PTPN14: variants seen among roughly 807,000 people sequenced by gnomAD.
PTPN14 encodes the protein protein tyrosine phosphatase non-receptor type 14.
Under a neutral mutation model 126.8 loss-of-function variants are expected in PTPN14, and 53 were observed. That is an observed-to-expected ratio of 0.42 (90% confidence interval 0.34 to 0.53). PTPN14 has a LOEUF of 0.53. Ranked by LOEUF, PTPN14 falls within the 20% of genes least tolerant of loss-of-function variation. PTPN14 has a pLI of 0.08. For missense variants in PTPN14, 1,257 were observed against 1,552.9 expected (o/e 0.81, Z 3.20); for synonymous variants, 630 against 599.3 (o/e 1.05, Z -0.75).
intron 1 of PTPN14, among the ~76,000 whole-genome samples, chr1:214,546,438 T>C (rs540382399): frequency 4.6e-5 from 7 of 152,134 alleles, no homozygotes; most frequent in Admixed American, 4.6e-4. Context: ...CATACGAAAA[T>C]ATGCATTAGG....
chr1:214,491,128 C>CA lies in PTPN14; in HGVS notation c.-154-26172dup, dbSNP rs147425669. Among the ~76,000 whole-genome samples the CA allele has an allele frequency of 1.5e-3, 229 of 152,018 alleles. 1 individual carries two copies. The highest frequency in any genetic ancestry group is 5.3e-3 in the African/African-American group (221 of 41,472). Reference sequence around the variant, plus strand: ...TATGGCATAACCCCCTACCCAGTGGCATGGGCAAGATTTTTTAAATTATAT... The same window carrying CA: ...TATGGCATAACCCCCTACCCAGTGGCAATGGGCAAGATTTTTTAAATTATAT... On this transcript the variant is annotated intron_variant, in intron 1 of 18. Coordinates refer to ENST00000366956, the MANE Select transcript of PTPN14 (RefSeq NM_005401.5).
rs1216793547 is a variant in PTPN14, at chr1:214,383,400, G to A, written c.2455C>T (p.Arg819Trp). ...SEPDLTSVKE[R>W]VKKEPVKERP... ...TCCTTCACAGGCTCTTTTTTGACCC[G>A]CTCCTTCACACTAGTCAGGTCGGGT... Residue 819 changes from arginine to tryptophan, a missense_variant, in exon 13 of 19, where the codon CGG (arginine) becomes TGG (tryptophan). Arg to Trp is a moderately radical substitution (Grantham distance 101). Coordinates refer to ENST00000366956, the MANE Select transcript of PTPN14 (RefSeq NM_005401.5). This position sits in a 1 kb window ranked among gnomAD's most constrained non-coding sequence, Gnocchi z 4.4. 1.1e-5 allele frequency: 18 copies of A among 1,614,044 alleles called. No individual in the cohort carries two copies. The highest frequency in any genetic ancestry group is 1.4e-5 in the Non-Finnish European group (17 of 1,180,042).
In PTPN14 at chr1:214,364,970, C is replaced by T. The variant is rs1384189312; in HGVS notation, c.3272-295G>A. 1.3e-5 allele frequency among the ~76,000 whole-genome samples: 2 copies of T among 151,856 alleles called. No individual in the cohort carries two copies. The highest frequency in any genetic ancestry group is 1.3e-4 in the Admixed American group (2 of 15,250). The stretch of plus-strand genomic sequence containing the variant: ...TTTTTTAAAAATTAAATTCTGTTTT[C>T]CCCTCTGCAAATCCCTAAGTCCCTC... On this transcript the variant is annotated intron_variant, in intron 17 of 18. Transcript: ENST00000366956. This position sits in a 1 kb window ranked among gnomAD's most constrained non-coding sequence, Gnocchi z 4.1.
Position 214,384,166 on chromosome 1 carries a change from G to A in PTPN14, c.1689C>T (p.Leu563=). Residue 563 remains leucine (L), a synonymous_variant, in exon 13 of 19, where the codon CTC becomes CTT. Coordinates refer to ENST00000366956, the MANE Select transcript of PTPN14 (RefSeq NM_005401.5). This position sits in a 1 kb window ranked among gnomAD's most constrained non-coding sequence, Gnocchi z 5.3. Reference sequence around the variant, plus strand: ...GTGGGTAGGGGGGCGGTGGCCTGAAGAGATAGTTCTTAAGCATGTGGGCCG... The same window carrying A: ...GTGGGTAGGGGGGCGGTGGCCTGAAAAGATAGTTCTTAAGCATGTGGGCCG... The part of the protein sequence containing the change: ...YSTAHMLKNY[L]FRPPPPYPRP... 1 of 1,592,216 alleles carries A rather than the reference G, an allele frequency of 6.3e-7. No homozygotes were observed.
At chr1:214,402,435 GTCAA>G (rs1659042605) in intron 6 of PTPN14, among the ~76,000 whole-genome samples, 1 of 37,802 alleles carries the variant, frequency 2.6e-5, no homozygotes, top group African/African-American at 1.6e-4. Context: ...GCGAGACTCT[GTCAA>G]AAAAAAAAAA....
At chr1:214,358,201 CA>C in intron 18 of PTPN14, 151 bp from the exon 19 acceptor site, 1 of 807,166 alleles carries the variant, frequency 1.2e-6, no homozygotes, top group Non-Finnish European at 1.9e-6. Flanking sequence ...TTTTATGCAT[CA>C]AACAGTTTAT....
rs115167129 is a variant in PTPN14 at position 214,406,581 on chromosome 1, C to G, written c.511-3628G>C. On this transcript the variant is annotated intron_variant, in intron 5 of 18. Transcript: ENST00000366956. ...TTAAATTTGAATATAAATATCCACA[C>G]ATGGCTAGCAGCTACCACCCTGAAG... 5.9e-3 allele frequency among the ~76,000 whole-genome samples: 891 copies of G among 152,100 alleles called. 7 individuals carry two copies. The highest frequency in any genetic ancestry group is 0.02 in the African/African-American group (837 of 41,498).
At position 214,401,733 on chromosome 1, in the gene PTPN14, A is replaced by G. The variant is rs199664215; in HGVS notation, c.621T>C (p.Asn207=). ...LPAEAELMYI[N]EVERLDGFGQ... ...CAAATCCATCCAAACGTTCAACTTC[A>G]TTGATGTACATCAGTTCAGCTTCTG... is the stretch of plus-strand genomic sequence containing the variant. The change falls in exon 7 of 19, where the codon AAT becomes AAC. Residue 207 remains asparagine, a synonymous_variant. Transcript: ENST00000366956. 5.3e-5 allele frequency: 85 copies of G among 1,595,268 alleles called. No homozygotes were observed. The highest frequency in any genetic ancestry group is 7.0e-5 in the Non-Finnish European group (82 of 1,163,772).
chr1:214,477,068 G>A (rs1660883480), intron 1 of PTPN14, among the ~76,000 whole-genome samples: 1 of 152,152 alleles, frequency 6.6e-6, no homozygotes, highest in Non-Finnish European at 1.5e-5. Context: ...GCAACTACAG[G>A]TCCCACTGAC....
At chr1:214,508,225 C>T (rs57030962) in intron 1 of PTPN14, among the ~76,000 whole-genome samples, 2,366 of 152,276 alleles carry the variant, frequency 0.016, 57 homozygotes, top group African/African-American at 0.054. Flanking sequence ...GAACCCAATG[C>T]TGTTTGACAG....
At chr1:214,469,022 C>A (rs1660699038) in intron 1 of PTPN14, among the ~76,000 whole-genome samples, 1 of 152,194 alleles carries the variant, frequency 6.6e-6, no homozygotes, top group Admixed American at 6.5e-5. Flanking sequence ...AAGCTCATGA[C>A]ATTTTCACCC....
Position 214,377,855 on chromosome 1 carries a change from G to A in PTPN14, c.2688+104C>T, listed in dbSNP as rs575941896. On this transcript the variant is annotated intron_variant, in intron 14 of 18. Transcript: ENST00000366956. ...TCTTCCTAATCTCAGATTGAAGAAA[G>A]AATGCATCACACAAATCTCAATGCT... 55 of 1,345,210 alleles carry A rather than the reference G, an allele frequency of 4.1e-5. No individual in the cohort carries two copies. The South Asian group carries it at 7.3e-4, about 18-fold the overall frequency. The allele number at this position is 1,345,210 out of a possible 1,614,324, so 83.3% of individuals were successfully genotyped here.
intron 9 of PTPN14, among the ~76,000 whole-genome samples, chr1:214,394,214 G>A (rs113059748): frequency 1.4e-4 from 22 of 152,176 alleles, no homozygotes; most frequent in Non-Finnish European, 2.8e-4. Context: ...AGGCTATGAT[G>A]GGAAAGAAAA....
rs775911532 is a variant in PTPN14 at position 214,376,189 on chromosome 1, C to G, written c.2907+30G>C. On this transcript the variant is annotated intron_variant, in intron 15 of 18. Coordinates refer to ENST00000366956, the MANE Select transcript of PTPN14 (RefSeq NM_005401.5). Reference sequence around the variant, plus strand: ...TTTCCCTTTAACCCAGCCATCTTTACCAAACCTTCTAACAGGCTTGCCTTC... The same window carrying G: ...TTTCCCTTTAACCCAGCCATCTTTAGCAAACCTTCTAACAGGCTTGCCTTC... The G allele has an allele frequency of 3.8e-6, 6 of 1,592,836 alleles. No individual in the cohort carries two copies. The Admixed American group carries it at 8.4e-5, about 22-fold the overall frequency.
rs1159209240 is a variant in PTPN14, at chr1:214,436,786, C to CAAA, written c.344+15016_344+15018dup. ...TGGGCGACAGAGAAAGACTCCGTCTCAAAAAAAAAAAAAAAAAAAAAAAAA... is the reference window on the plus strand; with the variant it reads ...TGGGCGACAGAGAAAGACTCCGTCTCAAAAAAAAAAAAAAAAAAAAAAAAAAAA... On this transcript the variant is annotated intron_variant, in intron 3 of 18. Coordinates refer to ENST00000366956, the MANE Select transcript of PTPN14 (RefSeq NM_005401.5). Among the ~76,000 whole-genome samples the CAAA allele has an allele frequency of 1.1e-3, 49 of 46,614 alleles. 2 individuals are homozygous for CAAA. The South Asian group carries it at 0.021, about 20-fold the overall frequency. 30.6% of individuals were successfully genotyped at this position (46,614 alleles called of 152,430 possible).
At chr1:214,419,290 C>G (rs1218014287) in intron 3 of PTPN14, among the ~76,000 whole-genome samples, 1 of 152,180 alleles carries the variant, frequency 6.6e-6, no homozygotes, top group Non-Finnish European at 1.5e-5. Context: ...ACACACGGCT[C>G]CTGGTCTGCT....
At chr1:214,530,766 T>C (rs1655524667) in intron 1 of PTPN14, 1 of 149,190 alleles carries the variant, frequency 6.7e-6, no homozygotes, top group Admixed American at 6.6e-5. Flanking sequence ...CGAAAATATT[T>C]ACGACGAGTA....
intron 3 of PTPN14, among the ~76,000 whole-genome samples, chr1:214,419,419 G>A (rs1659495131): frequency 6.6e-6 from 1 of 152,144 alleles, no homozygotes; most frequent in African/African-American, 2.4e-5. Context: ...ACTTTTTGAA[G>A]CCTTTCCATA....
intron 1 of PTPN14, among the ~76,000 whole-genome samples, chr1:214,521,184 C>T (rs1378372944): frequency 2.0e-5 from 3 of 152,206 alleles, no homozygotes; most frequent in Admixed American, 2.0e-4. Context: ...CCATGGCCCA[C>T]ATGGCATGTT....
Sources: allele counts gnomAD v4.1 joint callset (sites outside exome capture counted in the v4.1 genomes callset), GRCh38; gene constraint gnomAD v4.1.1; non-coding constraint Gnocchi (gnomAD v3.1); transcripts MANE v1.5; gene names NCBI Gene and HGNC (gene_info 2026-07-23, HGNC 2026-07-21).